The following APP variants were observed in gnomAD, a reference collection of about 807,000 sequenced individuals.
The protein encoded by APP is amyloid beta precursor protein.
A neutral mutation model predicts 101.4 loss-of-function variants in APP; 31 were observed. That is an observed-to-expected ratio of 0.31 (90% CI 0.23 to 0.41). The LOEUF (loss-of-function observed/expected upper bound fraction) is 0.41. APP is among the 10% of genes least tolerant of loss of function. The probability of loss-of-function intolerance (pLI) is 1.00; values close to 1 mark genes in which losing one functional copy is unlikely to be tolerated. For missense variants in APP, 839 were observed against 1,003.7 expected (o/e 0.84, Z 2.22); for synonymous variants, 366 against 364.4 (o/e 1.00, Z -0.05).
intron 1 of APP, among the ~76,000 whole-genome samples, chr21:26,150,336 C>G (rs1476047008): frequency 6.6e-6 from 1 of 152,142 alleles, no homozygotes. Context: ...CTCTAGTGGT[C>G]TCTCCAGGGA....
intron 11 of APP, among the ~76,000 whole-genome samples, chr21:25,957,790 T>G (rs1489262683): frequency 6.6e-6 from 1 of 152,122 alleles, no homozygotes; most frequent in Non-Finnish European, 1.5e-5. Context: ...GAGACCAGCC[T>G]GGACAACATT....
rs145631691 is a variant in APP, at chr21:26,159,778, G to C, written c.57+10786C>G. ...AATAAATACAATTAAAAACACATGCGCATAAGAAATACTCTCAATAAACTG... is the reference window on the plus strand; with the variant it reads ...AATAAATACAATTAAAAACACATGCCCATAAGAAATACTCTCAATAAACTG... On this transcript the variant is annotated intron_variant, in intron 1 of 17. Transcript: ENST00000346798. 2.9e-3 allele frequency among the ~76,000 whole-genome samples: 435 copies of C among 152,126 alleles called. 5 individuals carry two copies. In the East Asian group the frequency reaches 0.045, roughly 16 times the overall value.
intron 11 of APP, among the ~76,000 whole-genome samples, chr21:25,956,506 A>C (rs1304828221): frequency 6.6e-6 from 1 of 152,222 alleles, no homozygotes; most frequent in Non-Finnish European, 1.5e-5. Context: ...CAATTTCATC[A>C]CTATATGCAT....
chr21:26,074,034 A>C (rs930991409), intron 3 of APP, among the ~76,000 whole-genome samples: 2 of 152,208 alleles, frequency 1.3e-5, no homozygotes, highest in Admixed American at 6.5e-5. Flanking sequence ...CAGCTGATAA[A>C]GATACCATCC....
At chr21:26,042,607 G>T (rs1265239254) in intron 5 of APP, among the ~76,000 whole-genome samples, 1 of 152,154 alleles carries the variant, frequency 6.6e-6, no homozygotes, top group Admixed American at 6.5e-5. Context: ...TTGTTATCAA[G>T]ATTTCACCCC....
chr21:26,122,683 T>C (rs1383490516), intron 1 of APP, among the ~76,000 whole-genome samples: 3 of 151,558 alleles, frequency 2.0e-5, no homozygotes, highest in African/African-American at 7.3e-5. Context: ...TTGCCATGAG[T>C]AAATTCAAGT....
At chr21:26,161,214 CTT>C (rs2063486232) in intron 1 of APP, among the ~76,000 whole-genome samples, 1 of 152,214 alleles carries the variant, frequency 6.6e-6, no homozygotes, top group Admixed American at 6.5e-5. Context: ...TCTCCCACCA[CTT>C]GTTTTCAACA....
At chr21:26,094,343 A>C (rs979751010) in intron 2 of APP, among the ~76,000 whole-genome samples, 1 of 152,076 alleles carries the variant, frequency 6.6e-6, no homozygotes, top group African/African-American at 2.4e-5. Context: ...ACTTCTTCTG[A>C]AGCAGAGCAA....
Position 25,956,613 on chromosome 21 carries a change from G to C in APP, c.1459-858C>G, listed in dbSNP as rs45518436. Reference sequence around the variant, plus strand: ...AAAACCAGTTGTGAAAATTCATGTTGGGAATAGAATTTTGGTCATTTGGGC... The same window carrying C: ...AAAACCAGTTGTGAAAATTCATGTTCGGAATAGAATTTTGGTCATTTGGGC... On this transcript the variant is annotated intron_variant, in intron 11 of 17. Coordinates refer to ENST00000346798, the MANE Select transcript of APP (RefSeq NM_000484.4). 6.6e-5 allele frequency among the ~76,000 whole-genome samples: 10 copies of C among 152,238 alleles called. No individual in the cohort carries two copies. In the East Asian group the frequency reaches 1.5e-3, roughly 23 times the overall value.
chr21:26,062,680 A>ATAAATAAG (rs1442674355), intron 3 of APP, among the ~76,000 whole-genome samples: 1 of 151,426 alleles, frequency 6.6e-6, no homozygotes, highest in East Asian at 1.9e-4. Context: ...AAATAAATAA[A>ATAAATAAG]TAAATAAATA....
chr21:26,128,683 T>G (rs2062731770), intron 1 of APP, among the ~76,000 whole-genome samples: 1 of 151,822 alleles, frequency 6.6e-6, no homozygotes, highest in Non-Finnish European at 1.5e-5. Flanking sequence ...AAAACACATA[T>G]GGGAAATGGA....
chr21:25,891,007 CTG>C (rs1207477230), intron 17 of APP, among the ~76,000 whole-genome samples: 1 of 152,204 alleles, frequency 6.6e-6, no homozygotes, highest in Non-Finnish European at 1.5e-5. Flanking sequence ...GTTGCATATA[CTG>C]TGAGATTTTA....
intron 5 of APP, among the ~76,000 whole-genome samples, chr21:26,038,226 C>T (rs114165487): frequency 0.02 from 2,974 of 150,900 alleles, 85 homozygotes; most frequent in African/African-American, 0.068. Flanking sequence ...TGATTACTAC[C>T]AAAACTAATT....
chr21:26,084,915 G>C (rs141215703), intron 3 of APP, among the ~76,000 whole-genome samples: 1 of 152,188 alleles, frequency 6.6e-6, no homozygotes, highest in African/African-American at 2.4e-5. Context: ...ATTCTGTGTC[G>C]ACTTTCAAGT....
rs144113758 is a variant in APP at position 25,909,127 on chromosome 21, G to C, written c.1909+2614C>G. Among the ~76,000 whole-genome samples, 16 of 152,128 alleles carry C rather than the reference G, an allele frequency of 1.1e-4. No homozygotes were observed. The East Asian group carries it at 3.1e-3, about 29-fold the overall frequency. On this transcript the variant is annotated intron_variant, in intron 14 of 17. Transcript: ENST00000346798. ...AAATACAAAAAATTAGCCGGGCGTG[G>C]TGGCGGGTACCTATAGTCCCAGCTA...
chr21:26,117,632 C>G (rs1457819630), intron 1 of APP, among the ~76,000 whole-genome samples: 1 of 152,046 alleles, frequency 6.6e-6, no homozygotes, highest in Non-Finnish European at 1.5e-5. Context: ...GGCTGTCTCT[C>G]AAATTAAAAT....
chr21:26,087,414 C>G (rs2061725660), intron 3 of APP, among the ~76,000 whole-genome samples: 1 of 152,218 alleles, frequency 6.6e-6, no homozygotes, highest in African/African-American at 2.4e-5. Flanking sequence ...TAGTCAAGAA[C>G]AGTTAGTGTC....
chr21:25,918,408 C>G (rs989633811), intron 13 of APP, among the ~76,000 whole-genome samples: 4 of 152,164 alleles, frequency 2.6e-5, no homozygotes, highest in African/African-American at 9.6e-5. Context: ...CAGCTCCGGT[C>G]TACAGCTCCC....
intron 2 of APP, among the ~76,000 whole-genome samples, chr21:26,103,993 CA>C (rs2062123181): frequency 6.6e-6 from 1 of 152,140 alleles, no homozygotes; most frequent in South Asian, 2.1e-4. Flanking sequence ...GCTGGAAGTC[CA>C]AAACCAAGGT....
Sources: allele counts gnomAD v4.1 joint callset (sites outside exome capture counted in the v4.1 genomes callset), GRCh38; gene constraint gnomAD v4.1.1; transcripts MANE v1.5; gene names NCBI Gene and HGNC (gene_info 2026-07-23, HGNC 2026-07-21).